The following STK33 variants were observed in gnomAD, a reference collection of about 807,000 sequenced individuals.
STK33 encodes serine/threonine kinase 33.
Under a neutral mutation model 58.0 loss-of-function variants are expected in STK33, and 52 were observed. The observed-to-expected ratio is 0.90, with a 90% confidence interval of 0.72 to 1.13. The LOEUF (loss-of-function observed/expected upper bound fraction) is 1.13. Among genes scored for constraint, STK33 ranks in the 50% most tolerant of loss-of-function variants. The pLI is 0.00. For synonymous variants in STK33, 215 were observed against 200.1 expected (o/e 1.07, Z -0.63); for missense variants, 630 against 604.2 (o/e 1.04, Z -0.45).
At chr11:8,523,693 C>T (rs1004872957) in intron 1 of STK33, among the ~76,000 whole-genome samples, 6 of 139,382 alleles carry the variant, frequency 4.3e-5, no homozygotes, top group African/African-American at 1.0e-4. Context: ...CCGCCACTTC[C>T]GGGAGGTGGG....
the STK33 span, among the ~76,000 whole-genome samples, chr11:8,354,518 C>CACACACACACACACA: frequency 1.4e-5 from 1 of 71,660 alleles, no homozygotes; most frequent in East Asian, 4.2e-4. Context: ...ACACACACAC[C>CACACACACACACACA]CCTCAGACAC....
At chr11:8,567,733 A>G (rs1331731704) in intron 1 of STK33, among the ~76,000 whole-genome samples, 1 of 152,186 alleles carries the variant, frequency 6.6e-6, no homozygotes, top group Admixed American at 6.5e-5. Context: ...TTAAACCAAA[A>G]ACAAACTAAC....
intron 1 of STK33, among the ~76,000 whole-genome samples, chr11:8,559,596 A>G (rs1258498846): frequency 6.6e-6 from 1 of 152,194 alleles, no homozygotes; most frequent in African/African-American, 2.4e-5. Flanking sequence ...TTGTTTTACT[A>G]TTCTACCCCA....
intron 14 of STK33, among the ~76,000 whole-genome samples, chr11:8,428,586 C>T (rs552229938): frequency 1.2e-4 from 18 of 152,296 alleles, no homozygotes; most frequent in Non-Finnish European, 2.5e-4. Flanking sequence ...GGTCTTGAAA[C>T]GTAACTCAAA....
At chr11:8,542,877 T>C (rs1955630519) in intron 1 of STK33, among the ~76,000 whole-genome samples, 1 of 152,018 alleles carries the variant, frequency 6.6e-6, no homozygotes. Flanking sequence ...ACCCAGCTAA[T>C]TATTGTATTT....
intron 1 of STK33, among the ~76,000 whole-genome samples, chr11:8,580,508 G>A (rs1379989491): frequency 6.6e-6 from 1 of 151,938 alleles, no homozygotes; most frequent in Non-Finnish European, 1.5e-5. Context: ...GGAGGGGGAT[G>A]GTTAATGGGT....
chr11:8,462,692 G>A (rs1048105724), intron 7 of STK33, among the ~76,000 whole-genome samples: 21 of 152,078 alleles, frequency 1.4e-4, no homozygotes, highest in African/African-American at 4.8e-4. Context: ...CACTCACCAT[G>A]CAGATAGCAA....
chr11:8,345,526 G>A, the STK33 span, among the ~76,000 whole-genome samples: 11 of 152,282 alleles, frequency 7.2e-5, no homozygotes, highest in African/African-American at 2.7e-4. Context: ...GAAGGAGACA[G>A]GCAGGAAGAC....
intron 1 of STK33, among the ~76,000 whole-genome samples, chr11:8,489,078 G>A (rs538757352): frequency 3.4e-4 from 51 of 152,006 alleles, no homozygotes; most frequent in African/African-American, 1.1e-3. Flanking sequence ...TGGCAACAGA[G>A]CTAGACCCTA....
At chr11:8,491,742 ATC>A (rs1279189253) in intron 1 of STK33, among the ~76,000 whole-genome samples, 3 of 152,216 alleles carry the variant, frequency 2.0e-5, no homozygotes, top group Non-Finnish European at 4.4e-5. Flanking sequence ...CTAACAGCAG[ATC>A]TCTCAGCAGA....
chr11:8,400,497 A>G (rs1433065758), intron 15 of STK33, among the ~76,000 whole-genome samples: 3 of 152,150 alleles, frequency 2.0e-5, no homozygotes, highest in Non-Finnish European at 4.4e-5. Flanking sequence ...TCTATGACAA[A>G]CCCACAGCCA....
At chr11:8,460,670 A>G (rs1056338005) in intron 8 of STK33, among the ~76,000 whole-genome samples, 12 of 152,130 alleles carry the variant, frequency 7.9e-5, no homozygotes, top group African/African-American at 2.7e-4. Context: ...TAAACTCACA[A>G]GTCCATGAAC....
intron 1 of STK33, among the ~76,000 whole-genome samples, chr11:8,552,567 T>C (rs1353538040): frequency 1.3e-5 from 2 of 152,172 alleles, no homozygotes; most frequent in Non-Finnish European, 2.9e-5. Context: ...TTTCTATTTT[T>C]CAGTTCTTTT....
chr11:8,528,162 C>T (rs1954214860), intron 1 of STK33, among the ~76,000 whole-genome samples: 1 of 152,174 alleles, frequency 6.6e-6, no homozygotes, highest in Non-Finnish European at 1.5e-5. Context: ...CCCAGAGAGT[C>T]AGGAGCATGA....
At position 8,474,944 on chromosome 11, in the gene STK33, T is replaced by C. The variant is rs1591360363; in HGVS notation, c.-39A>G. 3 of 1,530,938 alleles carry C rather than the reference T, an allele frequency of 2.0e-6. No homozygotes were observed. Among genetic ancestry groups the C allele is most frequent in the African/African-American group, 2.8e-5 (2 of 71,750 alleles). The allele number at this position is 1,530,938 out of a possible 1,614,324, so 94.8% of individuals were successfully genotyped here. A position where few individuals can be genotyped will look rare whatever the true frequency, so the allele number is the denominator to read the frequency against. Reference sequence around the variant, plus strand: ...CAACAAAAGCAACTTTAAAAATGTTTCCACTGTTTGAGGAAGAAAACCAGG... The same window carrying C: ...CAACAAAAGCAACTTTAAAAATGTTCCCACTGTTTGAGGAAGAAAACCAGG... On this transcript the variant is annotated 5_prime_UTR_variant, in exon 5 of 16. Coordinates refer to ENST00000687296, the MANE Select transcript of STK33 (RefSeq NM_001352389.2).
chr11:8,561,714 G>A (rs1957124377), intron 1 of STK33, among the ~76,000 whole-genome samples: 3 of 152,082 alleles, frequency 2.0e-5, no homozygotes, highest in South Asian at 4.1e-4. Flanking sequence ...AGAATTCCTA[G>A]TTGAAAGCCT....
chr11:8,533,265 CATT>C (rs1954696511), intron 1 of STK33: 1 of 152,052 alleles, frequency 6.6e-6, no homozygotes, highest in Non-Finnish European at 1.5e-5. Flanking sequence ...TGCATATTTA[CATT>C]ATTACTTAAA....
chr11:8,508,268 T>G (rs1952026049), intron 1 of STK33, among the ~76,000 whole-genome samples: 3 of 136,732 alleles, frequency 2.2e-5, no homozygotes, highest in Admixed American at 2.2e-4. Context: ...CTTCTATTCT[T>G]TTTTTTTTTT....
the STK33 span, among the ~76,000 whole-genome samples, chr11:8,376,142 G>T: frequency 2.6e-5 from 4 of 152,210 alleles, no homozygotes. Context: ...ATTCCAGCCA[G>T]CCCAAGCATC....
Sources: allele counts gnomAD v4.1 joint callset (sites outside exome capture counted in the v4.1 genomes callset), GRCh38; gene constraint gnomAD v4.1.1; transcripts MANE v1.5; gene names NCBI Gene and HGNC (gene_info 2026-07-23, HGNC 2026-07-21).